Variants in LRP1 observed in about 807,000 individuals in gnomAD.
LRP1 encodes the protein LDL receptor related protein 1, also known as prolow-density lipoprotein receptor-related protein 1.
In LRP1, 51 loss-of-function variants were observed where a neutral mutation model predicts 541.5. That is an observed-to-expected ratio of 0.09 (90% CI 0.08 to 0.12). The LOEUF (loss-of-function observed/expected upper bound fraction) is 0.12, where lower values mean the gene tolerates loss of function less well. Ranked by LOEUF, LRP1 falls within the 10% of genes least tolerant of loss-of-function variation. The pLI is 1.00. For missense variants in LRP1, 3,878 were observed against 6,376.2 expected (o/e 0.61, Z 13.34); for synonymous variants, 2,219 against 2,470.8 (o/e 0.90, Z 3.02).
In LRP1 at chr12:57,212,047, G is replaced by T. The variant is rs1372024776; in HGVS notation, c.13349+30G>T. 2 of 1,613,574 alleles carry T rather than the reference G, an allele frequency of 1.2e-6. No homozygotes were observed. Among genetic ancestry groups the T allele is most frequent in the African/African-American group, 1.3e-5 (1 of 74,858 alleles). ...GTCACAGGGATTCTGGAACATTCTG[G>T]TCATTATTTTGCCATCCTAGCCTTC... On this transcript the variant is annotated intron_variant, in intron 87 of 88. Coordinates refer to ENST00000243077, the MANE Select transcript of LRP1 (RefSeq NM_002332.3). This position sits in a 1 kb window ranked among gnomAD's most constrained non-coding sequence, Gnocchi z 5.0.
chr12:57,205,979 C>A lies in LRP1; in HGVS notation c.11590+302C>A, dbSNP rs1007648868. Among the ~76,000 whole-genome samples, 4 of 152,176 alleles carry A rather than the reference C, an allele frequency of 2.6e-5. No individual in the cohort carries two copies. The highest frequency in any genetic ancestry group is 2.0e-4 in the Admixed American group (3 of 15,280). ...CATTGCACACTCACAGTCATGGGGG[C>A]CTCACCTGCACATTCCCCACATGCT... On this transcript the variant is annotated intron_variant, in intron 75 of 88. Coordinates refer to ENST00000243077, the MANE Select transcript of LRP1 (RefSeq NM_002332.3). This position sits in a 1 kb window ranked among gnomAD's most constrained non-coding sequence, Gnocchi z 4.6.
rs1322624135 is a variant in LRP1 at position 57,130,190 on chromosome 12, C to G, written c.67+1159C>G. ...GTGGGATCTCATCCCCTCCTGTCATCTTAGCCCTCTCATCCAAAGACAAAA... is the reference window on the plus strand; with the variant it reads ...GTGGGATCTCATCCCCTCCTGTCATGTTAGCCCTCTCATCCAAAGACAAAA... On this transcript the variant is annotated intron_variant, in intron 1 of 88. Coordinates refer to ENST00000243077, the MANE Select transcript of LRP1 (RefSeq NM_002332.3). Among the ~76,000 whole-genome samples, 7 of 152,146 alleles carry G rather than the reference C, an allele frequency of 4.6e-5. No homozygotes were observed. The East Asian group carries it at 1.3e-3, about 29-fold the overall frequency.
intron 42 of LRP1, among the ~76,000 whole-genome samples, chr12:57,190,098 G>A (rs1044616445): frequency 2.0e-5 from 3 of 152,128 alleles, no homozygotes; most frequent in Non-Finnish European, 4.4e-5. Context: ...ATTCAAAGTT[G>A]GAGCCGTTAC....
In LRP1 at chr12:57,177,698, C is replaced by G. The variant is rs1205782782; in HGVS notation, c.4361+107C>G. On this transcript the variant is annotated intron_variant, in intron 26 of 88. Transcript: ENST00000243077. The surrounding 1 kb of genome is among the most constrained non-coding windows in gnomAD (Gnocchi z 6.8). ...ATGAGAAGGACCAAGGGATCTAGAACTAGGAACGGTGGCAAAGGACTGGGC... is the reference window on the plus strand; with the variant it reads ...ATGAGAAGGACCAAGGGATCTAGAAGTAGGAACGGTGGCAAAGGACTGGGC... The G allele has an allele frequency of 3.0e-6, 4 of 1,332,760 alleles. No individual in the cohort carries two copies. Among genetic ancestry groups the G allele is most frequent in the Non-Finnish European group, 4.1e-6 (4 of 965,758 alleles). 82.6% of individuals were successfully genotyped at this position (1,332,760 alleles called of 1,614,324 possible). A position where few individuals can be genotyped will look rare whatever the true frequency, so the allele number is the denominator to read the frequency against.
chr12:57,180,025 C>T (rs1242588869), intron 30 of LRP1, 22 bp from the exon 31 acceptor site: 2 of 1,613,698 alleles, frequency 1.2e-6, no homozygotes, highest in East Asian at 2.2e-5. Flanking sequence ...CTGACCTTTC[C>T]CTCTTGGCAC....
intron 12 of LRP1, 124 bp downstream of exon 12, chr12:57,160,129 G>A: frequency 1.1e-6 from 1 of 899,204 alleles, no homozygotes; most frequent in East Asian, 2.6e-5. Flanking sequence ...GCAGGAATGA[G>A]AGTCTGCAAG....
chr12:57,202,636 C>G, intron 68 of LRP1, 99 bp downstream of exon 68: 1 of 949,274 alleles, frequency 1.1e-6, no homozygotes, highest in South Asian at 1.5e-5. Flanking sequence ...TGGTGGCCAC[C>G]TCCCAGGGTG....
chr12:57,168,329 A>T (rs889997778), intron 19 of LRP1: 1 of 153,050 alleles, frequency 6.5e-6, no homozygotes, highest in South Asian at 2.1e-4. Flanking sequence ...AGCTGCTAGG[A>T]TATGAAGAAA....
chr12:57,185,081 G>A lies in LRP1; in HGVS notation c.6339G>A (p.Arg2113=), dbSNP rs1309637972. The A allele has an allele frequency of 2.5e-6, 4 of 1,614,088 alleles. No individual in the cohort carries two copies. In the South Asian group the frequency reaches 4.4e-5, roughly 18 times the overall value. ...TGCTTGTGCCCTGTCCTTCCCTCAGGACTCATGCCAACGGCTCTATCAAGC... is the reference window on the plus strand; with the variant it reads ...TGCTTGTGCCCTGTCCTTCCCTCAGAACTCATGCCAACGGCTCTATCAAGC... The part of the protein sequence containing the change: ...VFEDFIYWSD[R]THANGSIKRG... Residue 2113 remains arginine (R), a splice_region_variant and synonymous_variant, in exon 40 of 89, where the codon AGG becomes AGA. Coordinates refer to ENST00000243077, the MANE Select transcript of LRP1 (RefSeq NM_002332.3). This position sits in a 1 kb window ranked among gnomAD's most constrained non-coding sequence, Gnocchi z 4.9.
rs1193491214 is a variant in LRP1 at position 57,185,886 on chromosome 12, C to T, written c.6819C>T (p.Ser2273=). The change falls in exon 41 of 89, where the codon TCC becomes TCT. Residue 2273 remains serine, a synonymous_variant. Transcript: ENST00000243077. The surrounding 1 kb of genome is among the most constrained non-coding windows in gnomAD (Gnocchi z 4.9). ...GNIQQINDDG[S]RRITIVENVG... Reference sequence around the variant, plus strand: ...TCCAACAGATCAACGACGATGGCTCCAGGAGGATCACCATTGTGGAAAGTG... The same window carrying T: ...TCCAACAGATCAACGACGATGGCTCTAGGAGGATCACCATTGTGGAAAGTG... 1.9e-6 allele frequency: 3 copies of T among 1,613,712 alleles called. No individual in the cohort carries two copies. In the Admixed American group the frequency reaches 5.0e-5, roughly 27 times the overall value.
intron 64 of LRP1, 38 bp downstream of exon 64, chr12:57,200,853 C>T (rs768739527): frequency 6.3e-7 from 1 of 1,575,964 alleles, no homozygotes; most frequent in East Asian, 2.2e-5. Context: ...CCTTCCCCAG[C>T]ATCTTCCCTG....
At position 57,200,826 on chromosome 12, in the gene LRP1, G is replaced by GGGGGGCC; in HGVS notation, c.10225+11_10225+12insGGGGGCC. On this transcript the variant is annotated intron_variant, in intron 64 of 88. Transcript: ENST00000243077. ...ACGAGGCCAACTGTGGTAAGGCGCT[G>GGGGGGCC]CCCGCCCACCCTCCCTCCTTCCCCA... 1.1e-4 allele frequency: 177 copies of GGGGGGCC among 1,579,748 alleles called. No individual in the cohort carries two copies. Among genetic ancestry groups the GGGGGGCC allele is most frequent in the Non-Finnish European group, 1.4e-4 (167 of 1,156,118 alleles).
At position 57,211,435 on chromosome 12, in the gene LRP1, C is replaced by A. The variant is rs1464600319; in HGVS notation, c.13092-52C>A. 9.9e-6 allele frequency: 16 copies of A among 1,609,538 alleles called. No individual in the cohort carries two copies. In the East Asian group the frequency reaches 3.6e-4, roughly 36 times the overall value. The stretch of plus-strand genomic sequence containing the variant: ...GCCCTGCCCCTCCCTTCCTCAGCAT[C>A]CCAGGCACGCCTCTGCCAGCCCCAG... On this transcript the variant is annotated intron_variant, in intron 84 of 88. Coordinates refer to ENST00000243077, the MANE Select transcript of LRP1 (RefSeq NM_002332.3). The surrounding 1 kb of genome is among the most constrained non-coding windows in gnomAD (Gnocchi z 4.3).
chr12:57,166,849 A>G, intron 17 of LRP1, 81 bp from the exon 18 acceptor site: 1 of 774,274 alleles, frequency 1.3e-6, no homozygotes, highest in Non-Finnish European at 2.3e-6. Context: ...AGGGACACCA[A>G]AGGCAGAGAA....
In LRP1 at chr12:57,158,270, C is replaced by T; in HGVS notation, c.1562-132C>T. The T allele has an allele frequency of 1.3e-6, 1 of 745,738 alleles. No homozygotes were observed. The highest frequency in any genetic ancestry group is 2.5e-5 in the East Asian group (1 of 40,600). 46.2% of individuals were successfully genotyped at this position (745,738 alleles called of 1,614,324 possible). A position where few individuals can be genotyped will look rare whatever the true frequency, so the allele number is the denominator to read the frequency against. Reference sequence around the variant, plus strand: ...GCGTGTGCGTGGTCTGTCCATCTGACCCAGAGCCTCGCATCCCTAACGTCT... The same window carrying T: ...GCGTGTGCGTGGTCTGTCCATCTGATCCAGAGCCTCGCATCCCTAACGTCT... On this transcript the variant is annotated intron_variant, in intron 10 of 88. Coordinates refer to ENST00000243077, the MANE Select transcript of LRP1 (RefSeq NM_002332.3). This position sits in a 1 kb window ranked among gnomAD's most constrained non-coding sequence, Gnocchi z 5.3.
chr12:57,188,755 G>A (rs1415237767), intron 42 of LRP1, among the ~76,000 whole-genome samples: 4 of 152,212 alleles, frequency 2.6e-5, no homozygotes, highest in South Asian at 4.1e-4. Flanking sequence ...AGTGGGGAGC[G>A]CGAGGGGCGT....
intron 4 of LRP1, 79 bp from the exon 5 acceptor site, chr12:57,144,893 T>C (rs2035368522): frequency 2.2e-5 from 30 of 1,383,418 alleles, no homozygotes; most frequent in Non-Finnish European, 3.0e-5. Context: ...GATGGACATG[T>C]TGATCATGTC....
Position 57,128,963 on chromosome 12 carries a change from C to T in LRP1, c.-2C>T. The stretch of plus-strand genomic sequence containing the variant: ...GGGCTGCTGCTTGCATCAGCCCACA[C>T]CATGCTGACCCCGCCGTTGCTCCTG... On this transcript the variant is annotated 5_prime_UTR_variant, in exon 1 of 89. Transcript: ENST00000243077. 6.4e-7 allele frequency: 1 copy of T among 1,550,542 alleles called. No homozygotes were observed. Among genetic ancestry groups the T allele is most frequent in the Non-Finnish European group, 8.7e-7 (1 of 1,146,316 alleles).
At chr12:57,196,941 A>AC (rs1299792456) in intron 55 of LRP1, 41 bp from the exon 56 acceptor site, 1 of 1,554,848 alleles carries the variant, frequency 6.4e-7, no homozygotes, top group Non-Finnish European at 8.7e-7. Context: ...GGAGGCCCAG[A>AC]CCCTGCCACA....
Sources: gnomAD v4.1 joint callset for allele counts (sites outside exome capture counted in the v4.1 genomes callset) on GRCh38, gnomAD v4.1.1 for gene constraint, Gnocchi (gnomAD v3.1) non-coding constraint, MANE v1.5 for transcripts, NCBI Gene and HGNC (gene_info 2026-07-23, HGNC 2026-07-21) for gene names.